The following RIPOR2 variants were observed in gnomAD, a reference collection of about 807,000 sequenced individuals.
RIPOR2 encodes the protein rho family-interacting cell polarization regulator 2.
Under a neutral mutation model 114.5 loss-of-function variants are expected in RIPOR2, and 39 were observed. The observed-to-expected ratio is 0.34, with a 90% CI of 0.26 to 0.44. RIPOR2 has a LOEUF of 0.44. RIPOR2 is among the 20% of genes least tolerant of loss of function. The pLI is 1.00. For missense variants in RIPOR2, 1,007 were observed against 1,255.1 expected (o/e 0.80, Z 2.99); for synonymous variants, 445 against 484.4 (o/e 0.92, Z 1.07).
At chr6:24,882,143 C>A (rs1032203488) in intron 1 of RIPOR2, among the ~76,000 whole-genome samples, 1 of 152,124 alleles carries the variant, frequency 6.6e-6, no homozygotes, top group Non-Finnish European at 1.5e-5. Flanking sequence ...GTAAAAGTGA[C>A]GGGGAAATGT....
intron 1 of RIPOR2, among the ~76,000 whole-genome samples, chr6:25,017,356 G>C (rs1334560884): frequency 6.6e-6 from 1 of 152,136 alleles, no homozygotes; most frequent in Non-Finnish European, 1.5e-5. Context: ...CAGAGCAAAA[G>C]CTCGGTTGTT....
At chr6:25,007,010 C>T (rs1775584782) in intron 1 of RIPOR2, among the ~76,000 whole-genome samples, 1 of 152,158 alleles carries the variant, frequency 6.6e-6, no homozygotes, top group African/African-American at 2.4e-5. Flanking sequence ...GTCTCTTGCT[C>T]AACCAAAAGC....
At chr6:24,847,844 A>G (rs554893624) in intron 12 of RIPOR2, among the ~76,000 whole-genome samples, 181 bp downstream of exon 12, 1 of 152,330 alleles carries the variant, frequency 6.6e-6, no homozygotes, top group East Asian at 1.9e-4. Context: ...GTTCAGAAAA[A>G]TCTACATGTT....
At chr6:24,932,869 A>G (rs905690317) in intron 1 of RIPOR2, among the ~76,000 whole-genome samples, 11 of 152,244 alleles carry the variant, frequency 7.2e-5, no homozygotes, top group Non-Finnish European at 1.5e-4. Flanking sequence ...GTGAGCTGAA[A>G]GTATGCGTGA....
intron 1 of RIPOR2, among the ~76,000 whole-genome samples, chr6:24,908,744 G>A (rs1328466193): frequency 1.3e-5 from 2 of 152,060 alleles, no homozygotes; most frequent in Non-Finnish European, 2.9e-5. Context: ...CCCTCCACCC[G>A]CCCCCAGCCT....
chr6:24,978,543 A>C lies in RIPOR2; in HGVS notation c.76+63308T>G, dbSNP rs1581904697. Among the ~76,000 whole-genome samples, 7 of 152,280 alleles carry C rather than the reference A, an allele frequency of 4.6e-5. 1 individual carries two copies. In the Middle Eastern group the frequency reaches 0.02, roughly 444 times the overall value. ...CTCCCTAACCTCCATGTATCTTCTC[A>C]TACCAGATGGTACAATCTCTGAAAT... On this transcript the variant is annotated intron_variant, in intron 1 of 13. Transcript: ENST00000510784.
chr6:25,021,029 T>C (rs1030882777), intron 1 of RIPOR2, among the ~76,000 whole-genome samples: 1 of 152,104 alleles, frequency 6.6e-6, no homozygotes, highest in African/African-American at 2.4e-5. Flanking sequence ...GCTAATTTTT[T>C]TGTATTTTTA....
intron 1 of RIPOR2, among the ~76,000 whole-genome samples, chr6:24,904,442 T>TCC (rs1768768540): frequency 6.6e-6 from 1 of 152,166 alleles, no homozygotes; most frequent in East Asian, 1.9e-4. Flanking sequence ...AGGGGAAGGT[T>TCC]CTCTGCTTTT....
At chr6:24,959,786 A>G (rs942940089) in intron 1 of RIPOR2, among the ~76,000 whole-genome samples, 1 of 152,108 alleles carries the variant, frequency 6.6e-6, no homozygotes, top group South Asian at 2.1e-4. Context: ...CCACACACTA[A>G]ACTGTATTGG....
At chr6:24,865,179 C>A in intron 7 of RIPOR2, 122 bp downstream of exon 7, 1 of 775,462 alleles carries the variant, frequency 1.3e-6, no homozygotes, top group Non-Finnish European at 2.0e-6. Flanking sequence ...AACAGTAAAA[C>A]CTATCTTTCT....
At chr6:24,901,146 C>T (rs913326864) in intron 1 of RIPOR2, among the ~76,000 whole-genome samples, 24 of 151,996 alleles carry the variant, frequency 1.6e-4, no homozygotes, top group African/African-American at 5.3e-4. Context: ...CCAGGCTTGG[C>T]CAGGCTTATA....
In RIPOR2 at chr6:24,804,449, A is replaced by AT. The variant is rs1224559646; in HGVS notation, c.*1923_*1924insA. ...ATGCAATAGTCAAAATAAAAAATAA[A>AT]AAAATGACAAACCAAACACAAAATC... On this transcript the variant is annotated 3_prime_UTR_variant, in exon 22 of 22. Coordinates refer to ENST00000643898, the MANE Select transcript of RIPOR2 (RefSeq NM_001286445.3). 2 of 151,950 alleles carry AT rather than the reference A, an allele frequency of 1.3e-5. No individual in the cohort carries two copies. The highest frequency in any genetic ancestry group is 1.5e-5 in the Non-Finnish European group (1 of 67,946). 9.4% of individuals were successfully genotyped at this position (151,950 alleles called of 1,614,324 possible). A position where few individuals can be genotyped will look rare whatever the true frequency, so the allele number is the denominator to read the frequency against.
intron 1 of RIPOR2, among the ~76,000 whole-genome samples, chr6:24,907,367 T>C (rs780608765): frequency 1.3e-5 from 2 of 152,246 alleles, no homozygotes; most frequent in Non-Finnish European, 2.9e-5. Flanking sequence ...CTTCTTTTCT[T>C]CATAGTGTTC....
chr6:24,990,281 C>A (rs993923921), intron 1 of RIPOR2, among the ~76,000 whole-genome samples: 1 of 152,142 alleles, frequency 6.6e-6, no homozygotes, highest in Non-Finnish European at 1.5e-5. Flanking sequence ...AAGGACAAGA[C>A]CAAATCAACT....
chr6:24,997,840 T>C (rs182954116), intron 1 of RIPOR2, among the ~76,000 whole-genome samples: 128 of 152,284 alleles, frequency 8.4e-4, no homozygotes, highest in African/African-American at 2.9e-3. Flanking sequence ...GTGAGCAGCA[T>C]CAGCATCATC....
chr6:24,989,301 C>CTTT (rs70974959), intron 1 of RIPOR2, among the ~76,000 whole-genome samples: 4 of 145,938 alleles, frequency 2.7e-5, no homozygotes, highest in Non-Finnish European at 6.0e-5. Context: ...TTGTCTTTTT[C>CTTT]TTTTTTTTTT....
At chr6:25,018,605 G>C (rs891401045) in intron 1 of RIPOR2, among the ~76,000 whole-genome samples, 4 of 152,056 alleles carry the variant, frequency 2.6e-5, no homozygotes, top group African/African-American at 9.7e-5. Context: ...TCCACATTTT[G>C]GTTTGCGCGA....
In RIPOR2 at chr6:24,809,854, G is replaced by A. The variant is rs371367752; in HGVS notation, c.2953-47C>T. The A allele has an allele frequency of 5.8e-4, 700 of 1,216,932 alleles. 13 individuals are homozygous for A. In the South Asian group the frequency reaches 6.3e-3, roughly 11 times the overall value. The allele number at this position is 1,216,932 out of a possible 1,614,324, so 75.4% of individuals were successfully genotyped here. A position where few individuals can be genotyped will look rare whatever the true frequency, so the allele number is the denominator to read the frequency against. Reference sequence around the variant, plus strand: ...AATCGTGTTTTGACATTTAGGTCTAGAGTACCACGAGACTTGGCATTTCAC... The same window carrying A: ...AATCGTGTTTTGACATTTAGGTCTAAAGTACCACGAGACTTGGCATTTCAC... On this transcript the variant is annotated intron_variant, in intron 20 of 21. Coordinates refer to ENST00000643898, the MANE Select transcript of RIPOR2 (RefSeq NM_001286445.3).
chr6:24,840,837 T>C, intron 13 of RIPOR2: 2 of 1,493,592 alleles, frequency 1.3e-6, no homozygotes, highest in Middle Eastern at 1.7e-4. Context: ...TAATTCTGGC[T>C]GGATACAAAG....
Sources: gnomAD v4.1 joint callset for allele counts (sites outside exome capture counted in the v4.1 genomes callset) on GRCh38, gnomAD v4.1.1 for gene constraint, MANE v1.5 for transcripts, NCBI Gene and HGNC (gene_info 2026-07-23, HGNC 2026-07-21) for gene names.